Variants in APOBEC3G observed in about 807,000 individuals in gnomAD.
APOBEC3G encodes DNA dC->dU-editing enzyme APOBEC-3G.
In APOBEC3G, 44 loss-of-function variants were observed where a neutral mutation model predicts 50.0. That is an observed-to-expected ratio of 0.88 (90% CI 0.69 to 1.13). The LOEUF is 1.13. Ranked by LOEUF, APOBEC3G falls within the 50% of genes most tolerant of loss-of-function variation. APOBEC3G has a pLI of 0.00. For synonymous variants in APOBEC3G, 156 were observed against 175.3 expected (o/e 0.89, Z 0.87); for missense variants, 469 against 492.0 (o/e 0.95, Z 0.44).
In APOBEC3G at chr22:39,086,548, T is replaced by A; in HGVS notation, c.1005T>A (p.Ile335=). 1 of 1,607,818 alleles carries A rather than the reference T, an allele frequency of 6.2e-7. No individual in the cohort carries two copies. Among genetic ancestry groups the A allele is most frequent in the South Asian group, 1.1e-5 (1 of 90,536 alleles). The change falls in exon 6 of 8, where the codon ATT becomes ATA. Residue 335 remains isoleucine, a synonymous_variant. Transcript: ENST00000407997. ...CCCTGGCCGAGGCTGGGGCCAAAAT[T>A]TCAATAATGACATACAGTGGTGAGA... ...LRTLAEAGAK[I]SIMTYSEFKH... is the part of the protein sequence containing the mutation.
chr22:39,085,585 A>G (rs1399653775), intron 5 of APOBEC3G, among the ~76,000 whole-genome samples: 1 of 152,232 alleles, frequency 6.6e-6, no homozygotes, highest in Non-Finnish European at 1.5e-5. Context: ...AAATTATTTA[A>G]TAGATTATTG....
Position 39,084,074 on chromosome 22 carries a change from T to A in APOBEC3G, c.735+190T>A, listed in dbSNP as rs369268224. Among the ~76,000 whole-genome samples the A allele has an allele frequency of 3.3e-5, 5 of 152,102 alleles. No homozygotes were observed. In the East Asian group the frequency reaches 9.7e-4, roughly 29 times the overall value. Reference sequence around the variant, plus strand: ...CAGTGACTCTCCAGGATTGGTGGCTTCCAGCCCCACACGCCTAACCAGCCA... The same window carrying A: ...CAGTGACTCTCCAGGATTGGTGGCTACCAGCCCCACACGCCTAACCAGCCA... On this transcript the variant is annotated intron_variant, in intron 5 of 7. Transcript: ENST00000407997.
At chr22:39,086,058 A>G (rs528670744) in intron 5 of APOBEC3G, among the ~76,000 whole-genome samples, 1 of 152,026 alleles carries the variant, frequency 6.6e-6, no homozygotes, top group East Asian at 1.9e-4. Context: ...TAATCCCAGC[A>G]CTTTGGGAGG....
At position 39,083,814 on chromosome 22, in the gene APOBEC3G, A is replaced by G. The variant is rs1928579490; in HGVS notation, c.665A>G (p.Tyr222Cys). 3 of 1,613,940 alleles carry G rather than the reference A, an allele frequency of 1.9e-6. No homozygotes were observed. The highest frequency in any genetic ancestry group is 2.5e-6 in the Non-Finnish European group (3 of 1,179,950). The change falls in exon 5 of 8, where the codon TAT (tyrosine) becomes TGT (cysteine). Residue 222 changes from tyrosine to cysteine, a missense_variant. By Grantham distance (194) the Tyr-to-Cys change is radical. Transcript: ENST00000407997. ...VRGRHETYLC[Y>C]EVERMHNDTW... ...GGACGGCATGAGACTTACCTGTGTT[A>G]TGAGGTGGAGCGCATGCACAATGAC... is the stretch of plus-strand genomic sequence containing the variant.
chr22:39,082,687 GT>G (rs1315159945), intron 4 of APOBEC3G: 1 of 147,248 alleles, frequency 6.8e-6, no homozygotes, highest in Non-Finnish European at 1.5e-5. Context: ...GGGAGCGGGG[GT>G]TAAGGCTTCA....
intron 5 of APOBEC3G, 129 bp downstream of exon 5, chr22:39,084,013 G>C: frequency 1.6e-6 from 2 of 1,224,428 alleles, no homozygotes; most frequent in South Asian, 3.2e-5. Flanking sequence ...TGTAGCTGCT[G>C]CTGCTTGGCC....
chr22:39,081,239 G>A lies in APOBEC3G; in HGVS notation c.466+12G>A, dbSNP rs1172093141. The A allele has an allele frequency of 6.2e-7, 1 of 1,612,902 alleles. No homozygotes were observed. Among genetic ancestry groups the A allele is most frequent in the Non-Finnish European group, 8.5e-7 (1 of 1,179,332 alleles). Reference sequence around the variant, plus strand: ...CATGAATTATGACGGTGAGAAGTGGGAGGTTCAGGGGTGTGGGAGAGACTG... The same window carrying A: ...CATGAATTATGACGGTGAGAAGTGGAAGGTTCAGGGGTGTGGGAGAGACTG... On this transcript the variant is annotated intron_variant, in intron 3 of 7. Coordinates refer to ENST00000407997, the MANE Select transcript of APOBEC3G (RefSeq NM_021822.4).
chr22:39,077,982 G>A (rs1415998581), intron 1 of APOBEC3G, among the ~76,000 whole-genome samples: 2 of 152,184 alleles, frequency 1.3e-5, no homozygotes, highest in Non-Finnish European at 2.9e-5. Context: ...TATAGTGGCC[G>A]GGTGCGGTGG....
intron 5 of APOBEC3G, 70 bp from the exon 6 acceptor site, chr22:39,086,209 C>G (rs779965846): frequency 1.3e-6 from 2 of 1,498,410 alleles, no homozygotes; most frequent in Non-Finnish European, 1.8e-6. Flanking sequence ...ACACTCCAGC[C>G]TGGGCAACAA....
rs199664843 is a variant in APOBEC3G, at chr22:39,086,354, C to A, written c.811C>A (p.Leu271Met). ...CFLDVIPFWK[L>M]DLDQDYRVTC... ...CCTGGACGTGATTCCCTTTTGGAAG[C>A]TGGACCTGGACCAGGACTACAGGGT... is the stretch of plus-strand genomic sequence containing the variant. Residue 271 changes from leucine to methionine, a missense_variant, in exon 6 of 8, where the codon CTG becomes ATG. Transcript: ENST00000407997. 1.2e-6 allele frequency: 2 copies of A among 1,613,792 alleles called. No homozygotes were observed. The highest frequency in any genetic ancestry group is 2.7e-5 in the African/African-American group (2 of 74,914).
intron 1 of APOBEC3G, 120 bp from the exon 2 acceptor site, chr22:39,078,812 G>T: frequency 7.1e-7 from 1 of 1,403,952 alleles, no homozygotes; most frequent in East Asian, 2.5e-5. Flanking sequence ...GAAATTCTCA[G>T]GGGAGGGGAG....
upstream of APOBEC3G, chr22:39,077,196 C>T (rs1201781302): frequency 8.7e-7 from 1 of 1,148,982 alleles, no homozygotes; most frequent in African/African-American, 1.5e-5. Flanking sequence ...ATAAAGCGTC[C>T]CAGGGCCTCC....
chr22:39,084,210 C>T (rs74902756), intron 5 of APOBEC3G, among the ~76,000 whole-genome samples: 9,368 of 152,204 alleles, frequency 0.062, 307 homozygotes, highest in Middle Eastern at 0.082. Context: ...AAAGGGTCTG[C>T]ACCAGGGCCA....
chr22:39,080,193 C>A (rs1928371889), intron 2 of APOBEC3G: 1 of 778,914 alleles, frequency 1.3e-6, no homozygotes, highest in Non-Finnish European at 1.6e-6. Context: ...TGACTGCAGG[C>A]AGGGAACAAG....
At chr22:39,085,101 A>C (rs1928636133) in intron 5 of APOBEC3G, among the ~76,000 whole-genome samples, 1 of 152,154 alleles carries the variant, frequency 6.6e-6, no homozygotes, top group African/African-American at 2.4e-5. Flanking sequence ...TTCTACCCCG[A>C]GTCCTCTCTG....
intron 1 of APOBEC3G, chr22:39,078,654 G>A (rs1246584160): frequency 5.1e-6 from 2 of 393,020 alleles, no homozygotes; most frequent in East Asian, 9.3e-5. Flanking sequence ...ATGTCAGGAA[G>A]GAACTGAGCT....
At chr22:39,077,444 G>T in intron 1 of APOBEC3G, 66 bp downstream of exon 1, 4 of 1,558,052 alleles carry the variant, frequency 2.6e-6, no homozygotes, top group Non-Finnish European at 1.7e-6. Context: ...GCTCTGCTGG[G>T]CGTCAGCCCT....
Position 39,081,455 on chromosome 22 carries a change from C to G in APOBEC3G, c.467-16C>G. 1 of 1,612,758 alleles carries G rather than the reference C, an allele frequency of 6.2e-7. No individual in the cohort carries two copies. Among genetic ancestry groups the G allele is most frequent in the African/African-American group, 1.3e-5 (1 of 74,976 alleles). ...GGCCAGCTGGGCTTGACTGCGTTCT[C>G]TCTTCTTTTTCTTAGAATTTCAGCA... is the stretch of plus-strand genomic sequence containing the variant. On this transcript the variant is annotated splice_polypyrimidine_tract_variant and intron_variant, in intron 3 of 7. Transcript: ENST00000407997.
At chr22:39,080,761 A>T in intron 2 of APOBEC3G, 172 bp from the exon 3 acceptor site, 1 of 649,474 alleles carries the variant, frequency 1.5e-6, no homozygotes, top group Non-Finnish European at 2.7e-6. Context: ...ATTAATACTG[A>T]ACATGAGCTT....
Sources: allele counts gnomAD v4.1 joint callset (sites outside exome capture counted in the v4.1 genomes callset), GRCh38; gene constraint gnomAD v4.1.1; transcripts MANE v1.5; gene names NCBI Gene and HGNC (gene_info 2026-07-23, HGNC 2026-07-21).